Variants in CDK13 observed in about 807,000 individuals in gnomAD.
The protein encoded by CDK13 is cyclin-dependent kinase 13.
A neutral mutation model predicts 137.6 loss-of-function variants in CDK13; 40 were observed. The ratio of observed to expected loss-of-function variants is 0.29; its 90% confidence interval spans 0.23 to 0.38. CDK13 has a LOEUF of 0.38. Ranked by LOEUF, CDK13 falls within the 10% of genes least tolerant of loss-of-function variation. The pLI is 1.00. For synonymous variants in CDK13, 869 were observed against 760.1 expected (o/e 1.14, Z -2.36); for missense variants, 1,704 against 1,951.8 (o/e 0.87, Z 2.39).
At chr7:40,033,476 A>C (rs1785420892) in intron 5 of CDK13, among the ~76,000 whole-genome samples, 1 of 152,154 alleles carries the variant, frequency 6.6e-6, no homozygotes. Context: ...AAAGTCAGAG[A>C]TAGTACGTGG....
intron 9 of CDK13, chr7:40,067,610 T>C (rs1330487078): frequency 6.6e-6 from 1 of 151,962 alleles, no homozygotes; most frequent in Non-Finnish European, 1.5e-5. Context: ...ACAAAATCAA[T>C]ATGACACACA....
At chr7:40,028,274 A>G (rs2150502451) in intron 5 of CDK13, among the ~76,000 whole-genome samples, 1 of 146,046 alleles carries the variant, frequency 6.8e-6, no homozygotes, top group South Asian at 2.2e-4. Context: ...GCTGGAGTGC[A>G]GTGGCCTGAT....
At chr7:39,952,490 T>TA (rs1787261291) in intron 1 of CDK13, 1 of 152,212 alleles carries the variant, frequency 6.6e-6, no homozygotes, top group East Asian at 1.9e-4. Context: ...GGATAGTTTT[T>TA]ACCTGATCTT....
intron 1 of CDK13, among the ~76,000 whole-genome samples, chr7:39,953,787 G>C (rs773416): frequency 0.99 from 151,217 of 152,292 alleles, 75,084 homozygotes; most frequent in East Asian, 1. Context: ...GGCTAACATT[G>C]CTGACAGATG....
At chr7:39,975,255 A>G (rs1784081818) in intron 1 of CDK13, among the ~76,000 whole-genome samples, 1 of 152,032 alleles carries the variant, frequency 6.6e-6, no homozygotes, top group African/African-American at 2.4e-5. Flanking sequence ...CTCTACAGAA[A>G]ATACAAAAAT....
At position 40,096,629 on chromosome 7, in the gene CDK13, G is replaced by A. The variant is rs1280915591; in HGVS notation, c.*1649G>A. On this transcript the variant is annotated 3_prime_UTR_variant, in exon 14 of 14. Transcript: ENST00000181839. ...GAACAACTGTTACAGAATGTATATTGCTCCAGTTCTAAAGCCAGTTAACCC... is the reference window on the plus strand; with the variant it reads ...GAACAACTGTTACAGAATGTATATTACTCCAGTTCTAAAGCCAGTTAACCC... The A allele has an allele frequency of 2.0e-5, 3 of 151,918 alleles. No individual in the cohort carries two copies. Among genetic ancestry groups the A allele is most frequent in the African/African-American group, 4.8e-5 (2 of 41,384 alleles). The allele number at this position is 151,918 out of a possible 1,614,324, so 9.4% of individuals were successfully genotyped here.
chr7:40,075,361 G>A (rs189531583), intron 9 of CDK13, among the ~76,000 whole-genome samples: 6 of 151,930 alleles, frequency 3.9e-5, no homozygotes, highest in Middle Eastern at 3.4e-3. Context: ...TCCTTGCATC[G>A]GTATGTGTAT....
At position 40,095,928 on chromosome 7, in the gene CDK13, C is replaced by T. The variant is rs1162221008; in HGVS notation, c.*948C>T. The T allele has an allele frequency of 6.6e-6, 1 of 152,118 alleles. No homozygotes were observed. Among genetic ancestry groups the T allele is most frequent in the East Asian group, 1.9e-4 (1 of 5,192 alleles). 9.4% of individuals were successfully genotyped at this position (152,118 alleles called of 1,614,324 possible). A position where few individuals can be genotyped will look rare whatever the true frequency, so the allele number is the denominator to read the frequency against. On this transcript the variant is annotated 3_prime_UTR_variant, in exon 14 of 14. Transcript: ENST00000181839. Reference sequence around the variant, plus strand: ...CAAAGAAAGGGAGTAGAACTGCAATCAGTACATATTGTTTGAGAAGTTCTA... The same window carrying T: ...CAAAGAAAGGGAGTAGAACTGCAATTAGTACATATTGTTTGAGAAGTTCTA...
chr7:40,018,936 T>TC (rs1221464473), intron 5 of CDK13, among the ~76,000 whole-genome samples: 2 of 152,192 alleles, frequency 1.3e-5, no homozygotes, highest in East Asian at 3.8e-4. Context: ...ACAAGAATGT[T>TC]CTTCATTGTA....
At chr7:39,961,038 G>A (rs980562342) in intron 1 of CDK13, among the ~76,000 whole-genome samples, 3 of 151,722 alleles carry the variant, frequency 2.0e-5, no homozygotes, top group Admixed American at 6.6e-5. Context: ...AACACAGCTC[G>A]AAACAGCCAT....
intron 7 of CDK13, among the ~76,000 whole-genome samples, chr7:40,052,159 T>G (rs538479631): frequency 7.1e-5 from 10 of 141,738 alleles, no homozygotes; most frequent in Non-Finnish European, 1.4e-4. Context: ...GAGAAGAAAC[T>G]ATAATGTGAC....
chr7:40,048,824 A>G (rs1290003018), intron 7 of CDK13: 2 of 151,308 alleles, frequency 1.3e-5, no homozygotes, highest in Non-Finnish European at 2.9e-5. Flanking sequence ...TCTGGAAAGT[A>G]TTTTCCTTAT....
intron 1 of CDK13, among the ~76,000 whole-genome samples, chr7:39,958,770 T>G (rs1787508519): frequency 6.6e-6 from 1 of 152,196 alleles, no homozygotes; most frequent in Non-Finnish European, 1.5e-5. Flanking sequence ...TATCTTTAGA[T>G]TGAATTTCCT....
intron 11 of CDK13, among the ~76,000 whole-genome samples, chr7:40,081,906 C>G (rs972181808): frequency 6.6e-6 from 1 of 152,018 alleles, no homozygotes; most frequent in Non-Finnish European, 1.5e-5. Context: ...GCCACCGTGC[C>G]CAGCCCAAAT....
At chr7:40,082,486 CAAAAAAAAAAAAAAAAA>C (rs70996879) in intron 11 of CDK13, among the ~76,000 whole-genome samples, 60 of 74,794 alleles carry the variant, frequency 8.0e-4, no homozygotes, top group African/African-American at 1.9e-3. Flanking sequence ...ACTCCATTTC[CAAAAAAAAAAAAAAAAA>C]AAAAAAAAAA....
rs534157232 is a variant in CDK13 at position 39,954,031 on chromosome 7, T to C, written c.1211+2179T>C. On this transcript the variant is annotated intron_variant, in intron 1 of 13. Transcript: ENST00000181839. Reference sequence around the variant, plus strand: ...TATTTAAGGTCGTTGAATTATTCAATATCCCAAATTGTTAGAATTCTTCAT... The same window carrying C: ...TATTTAAGGTCGTTGAATTATTCAACATCCCAAATTGTTAGAATTCTTCAT... Among the ~76,000 whole-genome samples the C allele has an allele frequency of 3.3e-5, 5 of 152,376 alleles. 1 individual carries two copies. The South Asian group carries it at 1.0e-3, about 32-fold the overall frequency.
At chr7:40,086,004 C>T (rs1405671805) in intron 11 of CDK13, among the ~76,000 whole-genome samples, 1 of 152,106 alleles carries the variant, frequency 6.6e-6, no homozygotes, top group African/African-American at 2.4e-5. Flanking sequence ...AACCATCATC[C>T]CTGTTTTCTT....
rs2116059324 is a variant in CDK13 at position 39,951,254 on chromosome 7, A to G, written c.613A>G (p.Ser205Gly). The part of the protein sequence containing the change: ...ERRPRRDRRS[S>G]SGRSKERHRE... ...CAGGCCCCGCCGGGACCGCCGCAGC[A>G]GCAGTGGCCGCAGCAAGGAGCGCCA... The change falls in exon 1 of 14, where the codon AGC becomes GGC. Residue 205 changes from serine (S) to glycine (G), a missense_variant. This residue lies in a region of CDK13 where 1,051 missense variants were observed against 931.0 expected (regional missense o/e 1.13). Coordinates refer to ENST00000181839, the MANE Select transcript of CDK13 (RefSeq NM_003718.5). 7.6e-7 allele frequency: 1 copy of G among 1,317,090 alleles called. No homozygotes were observed. 81.6% of individuals were successfully genotyped at this position (1,317,090 alleles called of 1,614,324 possible). A position where few individuals can be genotyped will look rare whatever the true frequency, so the allele number is the denominator to read the frequency against.
chr7:40,032,887 A>G (rs1459457514), intron 5 of CDK13, among the ~76,000 whole-genome samples: 1 of 152,118 alleles, frequency 6.6e-6, no homozygotes, highest in Non-Finnish European at 1.5e-5. Context: ...TTTACTATCT[A>G]TATAAACGTT....
Sources: gnomAD v4.1 joint callset for allele counts (sites outside exome capture counted in the v4.1 genomes callset) on GRCh38, gnomAD v4.1.1 for gene constraint, gnomAD v4.1.1 regional missense constraint, MANE v1.5 for transcripts, NCBI Gene and HGNC (gene_info 2026-07-23, HGNC 2026-07-21) for gene names.